Variants in RHBDD1 observed in about 807,000 individuals in gnomAD.
The protein encoded by RHBDD1 is rhomboid-related protein 4.
RHBDD1 carries 38 observed loss-of-function variants against 36.3 expected under a neutral mutation model. That is an observed-to-expected ratio of 1.05 (90% confidence interval 0.81 to 1.37). The LOEUF is 1.37. RHBDD1 is among the 40% of genes most tolerant of loss of function. The probability of loss-of-function intolerance (pLI) is 0.00; values close to 1 mark genes in which losing one functional copy is unlikely to be tolerated. For synonymous variants in RHBDD1, 151 were observed against 136.5 expected (o/e 1.11, Z -0.74); for missense variants, 393 against 377.6 (o/e 1.04, Z -0.34).
At position 226,997,550 on chromosome 2, in the gene RHBDD1, C is replaced by T. The variant is rs2149640313; in HGVS notation, c.*2028C>T. On this transcript the variant is annotated 3_prime_UTR_variant, in exon 9 of 9. Coordinates refer to ENST00000392062, the MANE Select transcript of RHBDD1 (RefSeq NM_001167608.3). ...CCCAAAGGCTCACGATAGGGGCTCA[C>T]TAAATGTCAGTGTTTCACCAAAGTA... The T allele has an allele frequency of 6.6e-6, 1 of 152,332 alleles. No homozygotes were observed. Among genetic ancestry groups the T allele is most frequent in the South Asian group, 2.1e-4 (1 of 4,822 alleles). 9.4% of individuals were successfully genotyped at this position (152,332 alleles called of 1,614,324 possible).
intron 5 of RHBDD1, among the ~76,000 whole-genome samples, chr2:226,868,611 C>T (rs1944530861): frequency 6.6e-6 from 1 of 152,162 alleles, no homozygotes; most frequent in African/African-American, 2.4e-5. Context: ...TGCTACTGTT[C>T]TTTACAGACA....
chr2:226,895,534 A>G, intron 5 of RHBDD1: 3 of 281,968 alleles, frequency 1.1e-5, no homozygotes, highest in Non-Finnish European at 1.6e-5. Context: ...CACTAACCTC[A>G]CAGAATCTCA....
chr2:226,934,275 A>G (rs1345426625), intron 8 of RHBDD1, among the ~76,000 whole-genome samples: 16 of 152,168 alleles, frequency 1.1e-4, no homozygotes, highest in Admixed American at 1.0e-3. Flanking sequence ...GCCTAGGAGC[A>G]ATAGGCTATA....
intron 5 of RHBDD1, among the ~76,000 whole-genome samples, chr2:226,879,108 G>C (rs1945496878): frequency 6.7e-6 from 1 of 149,868 alleles, no homozygotes; most frequent in Admixed American, 6.6e-5. Context: ...AGAAATATTA[G>C]TGTTACATAT....
At chr2:226,832,039 T>C (rs1940757079), upstream of RHBDD1, among the ~76,000 whole-genome samples, 1 of 152,006 alleles carries the variant, frequency 6.6e-6, no homozygotes, top group Admixed American at 6.5e-5. Context: ...TGCAATATGA[T>C]CATTATTTCC....
At chr2:226,971,624 T>C (rs1487923637) in intron 8 of RHBDD1, among the ~76,000 whole-genome samples, 1 of 152,238 alleles carries the variant, frequency 6.6e-6, no homozygotes, top group East Asian at 1.9e-4. Flanking sequence ...TTTTTTTGCC[T>C]TGCAAATATG....
In RHBDD1 at chr2:226,968,183, G is replaced by T. The variant is rs531567097; in HGVS notation, c.857-27248G>T. 1.3e-4 allele frequency among the ~76,000 whole-genome samples: 20 copies of T among 152,324 alleles called. No individual in the cohort carries two copies. In the South Asian group the frequency reaches 4.1e-3, roughly 32 times the overall value. ...ATAAGCTGGAAATGATATAAGAGTT[G>T]TATAAACTGGAAGAACCCAGAGGGG... On this transcript the variant is annotated intron_variant, in intron 8 of 8. Coordinates refer to ENST00000392062, the MANE Select transcript of RHBDD1 (RefSeq NM_001167608.3).
chr2:226,922,745 G>A (rs1013776870), intron 8 of RHBDD1, among the ~76,000 whole-genome samples: 1 of 151,876 alleles, frequency 6.6e-6, no homozygotes, highest in African/African-American at 2.4e-5. Context: ...CTGGAGGTAT[G>A]TTTTAATTTC....
At chr2:226,811,866 A>G in the RHBDD1 span, among the ~76,000 whole-genome samples, 2 of 152,302 alleles carry the variant, frequency 1.3e-5, no homozygotes, top group African/African-American at 4.8e-5. Context: ...TACAGTTTTG[A>G]CAGTCATAGG....
chr2:226,982,324 C>T lies in RHBDD1; in HGVS notation c.857-13107C>T, dbSNP rs576840968. ...CAGCTTTAATAAGGGCTTTGGACCACTGTGTTCTCCTAGGCCGCAGATAAT... is the reference window on the plus strand; with the variant it reads ...CAGCTTTAATAAGGGCTTTGGACCATTGTGTTCTCCTAGGCCGCAGATAAT... On this transcript the variant is annotated intron_variant, in intron 8 of 8. Coordinates refer to ENST00000392062, the MANE Select transcript of RHBDD1 (RefSeq NM_001167608.3). Among the ~76,000 whole-genome samples the T allele has an allele frequency of 7.2e-5, 11 of 152,356 alleles. No individual in the cohort carries two copies. The South Asian group carries it at 8.3e-4, about 11-fold the overall frequency.
chr2:226,854,072 G>T (rs1364907577), intron 3 of RHBDD1, among the ~76,000 whole-genome samples: 2 of 152,094 alleles, frequency 1.3e-5, no homozygotes, highest in Non-Finnish European at 2.9e-5. Flanking sequence ...TTATTGGGAG[G>T]TATGTAAATA....
At chr2:226,948,448 G>A (rs1247550546) in intron 8 of RHBDD1, among the ~76,000 whole-genome samples, 1 of 149,146 alleles carries the variant, frequency 6.7e-6, no homozygotes, top group Admixed American at 6.7e-5. Flanking sequence ...GGATAGCATT[G>A]GGAGACATAC....
intron 8 of RHBDD1, among the ~76,000 whole-genome samples, chr2:226,917,294 C>T (rs1289609825): frequency 1.3e-5 from 2 of 151,830 alleles, no homozygotes; most frequent in Admixed American, 6.6e-5. Context: ...AAAAATAACT[C>T]GAGAGTATAC....
Position 226,867,336 on chromosome 2 carries a change from G to A in RHBDD1, c.566+18G>A. On this transcript the variant is annotated intron_variant, in intron 5 of 8. Transcript: ENST00000392062. ...TCACCAGGGTAAGTGTTTTCTTTTGGGGAATACAGTTGAAGGACCTGATGT... is the reference window on the plus strand; with the variant it reads ...TCACCAGGGTAAGTGTTTTCTTTTGAGGAATACAGTTGAAGGACCTGATGT... The A allele has an allele frequency of 1.2e-6, 2 of 1,602,856 alleles. No individual in the cohort carries two copies. Among genetic ancestry groups the A allele is most frequent in the South Asian group, 2.3e-5 (2 of 87,730 alleles).
the RHBDD1 span, among the ~76,000 whole-genome samples, chr2:226,820,644 C>CAAAAAAAAAAAAAAAAAAA: frequency 1.6e-5 from 1 of 63,514 alleles, no homozygotes; most frequent in Non-Finnish European, 3.9e-5. Flanking sequence ...TCCATCTCCA[C>CAAAAAAAAAAAAAAAAAAA]AAAAAAAAAA....
chr2:226,826,350 T>C, the RHBDD1 span, among the ~76,000 whole-genome samples: 2 of 152,176 alleles, frequency 1.3e-5, no homozygotes, highest in Non-Finnish European at 2.9e-5. Context: ...GTTAGATTAA[T>C]TGAGAGTTGA....
At chr2:226,818,795 C>T in the RHBDD1 span, among the ~76,000 whole-genome samples, 12 of 151,928 alleles carry the variant, frequency 7.9e-5, no homozygotes, top group East Asian at 5.9e-4. Context: ...GACGAGATTG[C>T]GCCATTGCAC....
At chr2:226,951,879 C>T (rs963531762) in intron 8 of RHBDD1, among the ~76,000 whole-genome samples, 1 of 152,140 alleles carries the variant, frequency 6.6e-6, no homozygotes, top group Non-Finnish European at 1.5e-5. Flanking sequence ...TGCATGTATC[C>T]AAGGACTACA....
chr2:226,814,408 C>T, the RHBDD1 span, among the ~76,000 whole-genome samples: 2 of 152,080 alleles, frequency 1.3e-5, no homozygotes, highest in Non-Finnish European at 2.9e-5. Flanking sequence ...TGAGGGCCCA[C>T]ATGGATGACT....
Sources: gnomAD v4.1 joint callset for allele counts (sites outside exome capture counted in the v4.1 genomes callset) on GRCh38, gnomAD v4.1.1 for gene constraint, MANE v1.5 for transcripts, NCBI Gene and HGNC (gene_info 2026-07-23, HGNC 2026-07-21) for gene names.